Variants in SPTBN4 observed in about 807,000 individuals in gnomAD.
The protein encoded by SPTBN4 is spectrin beta chain, non-erythrocytic 4.
Under a neutral mutation model 277.8 loss-of-function variants are expected in SPTBN4, and 96 were observed. That is an observed-to-expected ratio of 0.35 (90% confidence interval 0.29 to 0.41). The LOEUF (loss-of-function observed/expected upper bound fraction) is 0.41. Ranked by LOEUF, SPTBN4 falls within the 10% of genes least tolerant of loss-of-function variation. The pLI is 1.00. For synonymous variants in SPTBN4, 1,481 were observed against 1,580.3 expected (o/e 0.94, Z 1.49); for missense variants, 3,006 against 3,595.7 (o/e 0.84, Z 4.19).
chr19:40,484,768 A>G (rs2080050577), intron 2 of SPTBN4, among the ~76,000 whole-genome samples: 1 of 150,010 alleles, frequency 6.7e-6, no homozygotes, highest in Admixed American at 6.6e-5. Context: ...TCTACTAAAA[A>G]AAAATTAAAA....
At chr19:40,532,282 T>C (rs991841296) in intron 18 of SPTBN4, among the ~76,000 whole-genome samples, 3 of 60,672 alleles carry the variant, frequency 4.9e-5, no homozygotes, top group African/African-American at 2.7e-4. Flanking sequence ...GTTGGAGAGC[T>C]TGTTTTGGGG....
At chr19:40,510,940 C>A (rs761360539) in intron 13 of SPTBN4, among the ~76,000 whole-genome samples, 23 of 152,086 alleles carry the variant, frequency 1.5e-4, no homozygotes, top group Non-Finnish European at 3.1e-4. Flanking sequence ...TTACTTGAGC[C>A]CAGGAGTTGG....
Position 40,570,560 on chromosome 19 carries a change from CGCGG to C in SPTBN4, c.7152_7155del (p.Arg2385ProfsTer58). On this transcript the variant is annotated frameshift_variant, in exon 33 of 36. Coordinates refer to ENST00000598249, the MANE Select transcript of SPTBN4 (RefSeq NM_020971.3). LOFTEE classifies it high-confidence loss of function. ...GACCGGCCCAAGCCGCGACGGCGGC[CGCGG>C]CCCAGAGAGGGTGGTGAGGGCGGGG... The C allele has an allele frequency of 7.4e-7, 1 of 1,354,724 alleles. No homozygotes were observed. The highest frequency in any genetic ancestry group is 9.5e-7 in the Non-Finnish European group (1 of 1,056,604). The allele number at this position is 1,354,724 out of a possible 1,614,324, so 83.9% of individuals were successfully genotyped here.
intron 20 of SPTBN4, among the ~76,000 whole-genome samples, chr19:40,535,223 T>C (rs1431358452): frequency 6.6e-6 from 1 of 151,854 alleles, no homozygotes; most frequent in Non-Finnish European, 1.5e-5. Flanking sequence ...GTCTGGATAA[T>C]CTTTTTAAAT....
chr19:40,520,058 G>A lies in SPTBN4; in HGVS notation c.3561G>A (p.Leu1187=). Residue 1187 remains leucine (L), a synonymous_variant, in exon 16 of 36, where the codon TTG becomes TTA. Coordinates refer to ENST00000598249, the MANE Select transcript of SPTBN4 (RefSeq NM_020971.3). The part of the protein sequence containing the change: ...LELGWHKLLG[L]WEARREALVQ... ...TTGGCTGGCATAAACTGCTCGGCTT[G>A]TGGGAGGCGCGCAGGGAGGCGCTGG... is the stretch of plus-strand genomic sequence containing the variant. 1 of 1,538,470 alleles carries A rather than the reference G, an allele frequency of 6.5e-7. No individual in the cohort carries two copies. Among genetic ancestry groups the A allele is most frequent in the Non-Finnish European group, 8.7e-7 (1 of 1,146,200 alleles).
At chr19:40,574,144 C>CA (rs1005302006) in intron 35 of SPTBN4, among the ~76,000 whole-genome samples, 8 of 134,470 alleles carry the variant, frequency 5.9e-5, no homozygotes, top group Non-Finnish European at 1.3e-4. Context: ...CAAAACAAAA[C>CA]AAAAAAAGAT....
chr19:40,527,928 C>T (rs550392499), intron 17 of SPTBN4, among the ~76,000 whole-genome samples: 4 of 151,854 alleles, frequency 2.6e-5, no homozygotes, highest in Non-Finnish European at 5.9e-5. Context: ...TGGTGGTGGG[C>T]GCCTGTAATC....
At chr19:40,469,976 T>C (rs1599700330) in intron 1 of SPTBN4, among the ~76,000 whole-genome samples, 1 of 150,756 alleles carries the variant, frequency 6.6e-6, no homozygotes, top group African/African-American at 2.4e-5. Flanking sequence ...TTTTTTGTTT[T>C]CTATTTTTTT....
At chr19:40,487,971 G>A in intron 3 of SPTBN4, 123 bp downstream of exon 3, 2 of 1,168,520 alleles carry the variant, frequency 1.7e-6, no homozygotes, top group Non-Finnish European at 2.3e-6. Flanking sequence ...GAACGTGCTG[G>A]AAGGGCCCTG....
Position 40,567,977 on chromosome 19 carries a change from C to T in SPTBN4, c.6651C>T (p.Thr2217=), listed in dbSNP as rs961144175. The change falls in exon 31 of 36, where the codon ACC becomes ACT. Residue 2217 remains threonine (T), a synonymous_variant. Coordinates refer to ENST00000598249, the MANE Select transcript of SPTBN4 (RefSeq NM_020971.3). ...CCGCACCAGAGGACGCGGCGGAGAC[C>T]CCCGCGACCCCCGCGGCGGCGGAGC... The part of the protein sequence containing the change: ...LPAAPEDAAE[T]PATPAAAEQV... The T allele has an allele frequency of 6.7e-7, 1 of 1,496,892 alleles. No homozygotes were observed. Among genetic ancestry groups the T allele is most frequent in the East Asian group, 2.7e-5 (1 of 37,236 alleles). 92.7% of individuals were successfully genotyped at this position (1,496,892 alleles called of 1,614,324 possible).
chr19:40,549,544 G>T (rs1243090474), intron 21 of SPTBN4, 131 bp downstream of exon 21: 2 of 668,418 alleles, frequency 3.0e-6, no homozygotes, highest in Admixed American at 3.6e-5. Context: ...GCATTCAGCC[G>T]TTCACTCATT....
intron 13 of SPTBN4, among the ~76,000 whole-genome samples, chr19:40,512,077 C>T (rs1196495393): frequency 2.6e-5 from 4 of 152,150 alleles, no homozygotes; most frequent in Admixed American, 2.0e-4. Flanking sequence ...GAACCGAGAT[C>T]GCGCTACTGC....
At chr19:40,504,883 G>C (rs537330627) in intron 12 of SPTBN4, among the ~76,000 whole-genome samples, 15 of 152,002 alleles carry the variant, frequency 9.9e-5, no homozygotes, top group African/African-American at 3.6e-4. Context: ...AAAAGACATA[G>C]AGATATAGAA....
At chr19:40,504,852 A>C (rs1375682907) in intron 12 of SPTBN4, among the ~76,000 whole-genome samples, 1 of 101,774 alleles carries the variant, frequency 9.8e-6, no homozygotes, top group Non-Finnish European at 1.9e-5. Flanking sequence ...ATTCTGTTTC[A>C]AAAAAAAAGA....
intron 2 of SPTBN4, among the ~76,000 whole-genome samples, chr19:40,481,489 T>C (rs2145813361): frequency 6.6e-6 from 1 of 152,326 alleles, no homozygotes; most frequent in South Asian, 2.1e-4. Flanking sequence ...TGTTTTGTTT[T>C]GTTTGAGACA....
intron 19 of SPTBN4, among the ~76,000 whole-genome samples, chr19:40,533,176 G>C (rs2080697687): frequency 6.6e-6 from 1 of 152,124 alleles, no homozygotes; most frequent in Non-Finnish European, 1.5e-5. Flanking sequence ...GGTTCTAACT[G>C]TGTCTATGCC....
Position 40,487,711 on chromosome 19 carries a change from G to A in SPTBN4, c.184G>A (p.Val62Met). Residue 62 changes from valine (V) to methionine (M), a missense_variant, in exon 3 of 36, where the codon GTG becomes ATG. Around this residue, in one of 5 missense-constraint regions of SPTBN4, gnomAD observed 114 missense variants for 196.1 expected, o/e 0.58. Coordinates refer to ENST00000598249, the MANE Select transcript of SPTBN4 (RefSeq NM_020971.3). ...CTCTCCTCCAGATGAGCGGGAAGCC[G>A]TGCAGAAGAAAACCTTCACCAAGTG... ...IKALADEREAVQKKTFTKWVN... is the reference protein window; with the variant it reads ...IKALADEREAMQKKTFTKWVN... The A allele has an allele frequency of 6.2e-7, 1 of 1,612,790 alleles. No homozygotes were observed. Among genetic ancestry groups the A allele is most frequent in the Non-Finnish European group, 8.5e-7 (1 of 1,179,350 alleles).
chr19:40,556,942 A>T, intron 25 of SPTBN4, 81 bp from the exon 26 acceptor site: 1 of 1,476,730 alleles, frequency 6.8e-7, no homozygotes, highest in Non-Finnish European at 9.0e-7. Flanking sequence ...AGAAAAAAAA[A>T]CATTGTAGGC....
At chr19:40,493,283 T>A (rs187975562) in intron 5 of SPTBN4, among the ~76,000 whole-genome samples, 2 of 152,292 alleles carry the variant, frequency 1.3e-5, no homozygotes, top group East Asian at 3.9e-4. Context: ...ACTTGCTCTG[T>A]CACCCAGGCT....
Sources: allele counts gnomAD v4.1 joint callset (sites outside exome capture counted in the v4.1 genomes callset), GRCh38; gene constraint gnomAD v4.1.1; regional missense constraint gnomAD v4.1.1; transcripts MANE v1.5; gene names NCBI Gene and HGNC (gene_info 2026-07-23, HGNC 2026-07-21).